The following CNTN4 variants were observed in gnomAD, a reference collection of about 807,000 sequenced individuals.
CNTN4 encodes the protein contactin-4.
CNTN4 carries 77 observed loss-of-function variants against 122.5 expected under a neutral mutation model. The observed-to-expected ratio is 0.63, with a 90% CI of 0.52 to 0.76. The LOEUF (loss-of-function observed/expected upper bound fraction) is 0.76, where lower values mean the gene tolerates loss of function less well. Among genes scored for constraint, CNTN4 ranks in the 30% least tolerant of loss-of-function variants. CNTN4 has a pLI of 0.00. For missense variants in CNTN4, 1,256 were observed against 1,259.1 expected (o/e 1.00, Z 0.04); for synonymous variants, 512 against 447.0 (o/e 1.15, Z -1.83).
chr3:2,818,586 C>G (rs774091410), intron 6 of CNTN4, among the ~76,000 whole-genome samples: 8 of 152,146 alleles, frequency 5.3e-5, no homozygotes, highest in Non-Finnish European at 1.0e-4. Context: ...TAACACACTC[C>G]TTATTGAGAG....
chr3:2,733,384 A>T (rs543994791), intron 4 of CNTN4, among the ~76,000 whole-genome samples: 1 of 152,342 alleles, frequency 6.6e-6, no homozygotes, highest in African/African-American at 2.4e-5. Flanking sequence ...ATTCTTTACC[A>T]TTGAAGTGAG....
intron 3 of CNTN4, among the ~76,000 whole-genome samples, chr3:2,361,861 A>C (rs546032049): frequency 6.6e-6 from 1 of 152,210 alleles, no homozygotes; most frequent in Non-Finnish European, 1.5e-5. Context: ...TTAGCTCTCT[A>C]ATTCCACAGG....
At position 2,402,509 on chromosome 3, in the gene CNTN4, G is replaced by T. The variant is rs116469863; in HGVS notation, c.-89+63276G>T. ...GTAATTATTAAATCAGGGTAATTGG[G>T]ATATTCATCACCTCAATTTCCTGTC... On this transcript the variant is annotated intron_variant, in intron 3 of 24. Transcript: ENST00000418658. 3.8e-3 allele frequency among the ~76,000 whole-genome samples: 582 copies of T among 152,110 alleles called. 4 individuals carry two copies. Among genetic ancestry groups the T allele is most frequent in the African/African-American group, 0.014 (569 of 41,524 alleles).
Position 2,358,812 on chromosome 3 carries a change from A to G in CNTN4, c.-89+19579A>G, listed in dbSNP as rs73119571. 2.0e-3 allele frequency among the ~76,000 whole-genome samples: 309 copies of G among 152,290 alleles called. 3 individuals are homozygous for G. The highest frequency in any genetic ancestry group is 7.0e-3 in the African/African-American group (290 of 41,560). On this transcript the variant is annotated intron_variant, in intron 3 of 24. Transcript: ENST00000418658. ...TTTGTAGAAATTATTTTTTATTCCA[A>G]TATAGTTACTTGATCAAGGAGACTA...
chr3:2,263,114 C>A (rs1489167723), intron 2 of CNTN4, among the ~76,000 whole-genome samples: 1 of 152,016 alleles, frequency 6.6e-6, no homozygotes, highest in African/African-American at 2.4e-5. Flanking sequence ...TTCTTGTGGC[C>A]ATGTGTCCAG....
chr3:2,872,557 A>G (rs2093798770), intron 8 of CNTN4, among the ~76,000 whole-genome samples: 1 of 152,090 alleles, frequency 6.6e-6, no homozygotes, highest in African/African-American at 2.4e-5. Context: ...TGATAGGTCC[A>G]TGCATTGCAC....
intron 14 of CNTN4, among the ~76,000 whole-genome samples, chr3:3,007,563 G>A (rs1359590161): frequency 6.6e-6 from 1 of 152,198 alleles, no homozygotes; most frequent in Non-Finnish European, 1.5e-5. Flanking sequence ...AAAGCACCTA[G>A]GAAATGAAGT....
intron 2 of CNTN4, among the ~76,000 whole-genome samples, chr3:2,280,965 T>C (rs2041692712): frequency 6.6e-6 from 1 of 152,176 alleles, no homozygotes; most frequent in East Asian, 1.9e-4. Flanking sequence ...CCTTGCTCTG[T>C]TAGTGAAAAG....
At chr3:2,590,840 A>G (rs920258501) in intron 4 of CNTN4, among the ~76,000 whole-genome samples, 3 of 152,012 alleles carry the variant, frequency 2.0e-5, no homozygotes, top group African/African-American at 7.2e-5. Flanking sequence ...TAAAACTTAG[A>G]TAGCACTGTA....
intron 3 of CNTN4, among the ~76,000 whole-genome samples, chr3:2,392,542 A>G (rs1026282773): frequency 9.2e-5 from 14 of 152,198 alleles, no homozygotes; most frequent in Admixed American, 9.2e-4. Context: ...AATTGTATAT[A>G]TGGGGTACAG....
At position 2,483,095 on chromosome 3, in the gene CNTN4, G is replaced by T. The variant is rs545450657; in HGVS notation, c.-88-88321G>T. ...CAGCCTGTGAAAGCAGCCAGGAGGG[G>T]TGCTATACCCTGCAAAGCCATAGGG... On this transcript the variant is annotated intron_variant, in intron 3 of 24. Coordinates refer to ENST00000418658, the MANE Select transcript of CNTN4 (RefSeq NM_175607.3). 2.0e-5 allele frequency among the ~76,000 whole-genome samples: 3 copies of T among 152,148 alleles called. 1 individual carries two copies. Among genetic ancestry groups the T allele is most frequent in the Admixed American group, 1.3e-4 (2 of 15,272 alleles).
chr3:2,324,855 G>A (rs996150396), intron 2 of CNTN4, among the ~76,000 whole-genome samples: 1 of 151,954 alleles, frequency 6.6e-6, no homozygotes, highest in African/African-American at 2.4e-5. Context: ...CATAAGGAGT[G>A]CTCCCCCCAC....
At chr3:2,495,607 C>G (rs1461277558) in intron 3 of CNTN4, among the ~76,000 whole-genome samples, 1 of 152,150 alleles carries the variant, frequency 6.6e-6, no homozygotes, top group African/African-American at 2.4e-5. Flanking sequence ...AGCTCTGCCT[C>G]CTATCAGGTC....
intron 3 of CNTN4, among the ~76,000 whole-genome samples, chr3:2,342,586 GAT>G (rs1036465070): frequency 5.3e-5 from 8 of 152,144 alleles, no homozygotes; most frequent in Non-Finnish European, 1.2e-4. Context: ...AGGGGGCAGT[GAT>G]CCTCATGCTG....
At chr3:2,439,306 A>C (rs965489302) in intron 3 of CNTN4, among the ~76,000 whole-genome samples, 1 of 152,198 alleles carries the variant, frequency 6.6e-6, no homozygotes, top group Non-Finnish European at 1.5e-5. Context: ...GGGCCAGGAT[A>C]TCTGTTTTAA....
chr3:2,611,873 T>C (rs989966667), intron 4 of CNTN4, among the ~76,000 whole-genome samples: 1 of 152,154 alleles, frequency 6.6e-6, no homozygotes, highest in Non-Finnish European at 1.5e-5. Context: ...ATCACTTTTT[T>C]AAATGTTGGA....
intron 3 of CNTN4, among the ~76,000 whole-genome samples, chr3:2,384,223 C>T (rs1243679826): frequency 6.6e-6 from 1 of 152,072 alleles, no homozygotes; most frequent in Non-Finnish European, 1.5e-5. Context: ...TGTTGTTGTA[C>T]AGGAACAAGC....
At chr3:2,146,219 ATTGAC>A (rs972002244) in intron 2 of CNTN4, among the ~76,000 whole-genome samples, 2 of 113,672 alleles carry the variant, frequency 1.8e-5, no homozygotes, top group Non-Finnish European at 3.8e-5. Context: ...GAATAATTTA[ATTGAC>A]TTCTATTAAT....
intron 8 of CNTN4, among the ~76,000 whole-genome samples, chr3:2,867,614 C>T (rs373996328): frequency 9.9e-5 from 15 of 152,148 alleles, no homozygotes; most frequent in African/African-American, 3.6e-4. Flanking sequence ...TCTTGAAATG[C>T]TCCTCCTTTC....
Sources: gnomAD v4.1 joint callset for allele counts (sites outside exome capture counted in the v4.1 genomes callset) on GRCh38, gnomAD v4.1.1 for gene constraint, MANE v1.5 for transcripts, NCBI Gene and HGNC (gene_info 2026-07-23, HGNC 2026-07-21) for gene names.